The following SFI1 variants were observed in gnomAD, a reference collection of about 807,000 sequenced individuals.
The protein encoded by SFI1 is protein SFI1 homolog.
SFI1 carries 195 observed loss-of-function variants against 207.5 expected under a neutral mutation model. The ratio of observed to expected loss-of-function variants is 0.94; its 90% confidence interval spans 0.84 to 1.06. SFI1 has a LOEUF of 1.06. Ranked by LOEUF, SFI1 falls within the 50% of genes least tolerant of loss-of-function variation. The pLI, the probability that SFI1 is intolerant of heterozygous loss-of-function variation, is 0.00. For missense variants in SFI1, 1,634 were observed against 1,588.0 expected, an observed-to-expected ratio of 1.03 and a Z score of -0.49; for synonymous variants, 630 against 598.9, an observed-to-expected ratio of 1.05 and a Z score of -0.76.
At position 31,602,249 on chromosome 22, in the gene SFI1, C is replaced by T; in HGVS notation, c.1582C>T (p.Gln528Ter). 1 of 1,614,116 alleles carries T rather than the reference C, an allele frequency of 6.2e-7. No individual in the cohort carries two copies. ...LEKQVFSLWR[Q>*]KMFQHRENRL... Reference sequence around the variant, plus strand: ...GAAGCAAGTATTTTCTCTCTGGAGGCAGAAGATGTTTCAGCATCGAGAAAA... The same window carrying T: ...GAAGCAAGTATTTTCTCTCTGGAGGTAGAAGATGTTTCAGCATCGAGAAAA... The change falls in exon 16 of 33, where the codon CAG (glutamine) becomes TAG (stop). Residue 528 changes from glutamine to a stop codon, truncating the protein, a stop_gained. Coordinates refer to ENST00000400288, the MANE Select transcript of SFI1 (RefSeq NM_001007467.3). LOFTEE classifies it high-confidence loss of function.
chr22:31,496,862 C>A (rs2052734364), intron 1 of SFI1, among the ~76,000 whole-genome samples: 1 of 152,172 alleles, frequency 6.6e-6, no homozygotes, highest in African/African-American at 2.4e-5. Flanking sequence ...AGCCTGCCAT[C>A]CTCTCCCGCC....
chr22:31,541,930 G>A (rs1434224170), intron 4 of SFI1, among the ~76,000 whole-genome samples: 22 of 150,362 alleles, frequency 1.5e-4, no homozygotes, highest in Middle Eastern at 3.4e-3. Flanking sequence ...GTGAAACCCC[G>A]TCTCTACTAA....
chr22:31,537,967 T>TTTTG (rs143156888), intron 4 of SFI1, among the ~76,000 whole-genome samples: 5 of 152,168 alleles, frequency 3.3e-5, no homozygotes, highest in African/African-American at 7.2e-5. Flanking sequence ...TAGCTTTGTT[T>TTTTG]TTTGTTTGTT....
At chr22:31,550,428 C>G in intron 6 of SFI1, 80 bp downstream of exon 6, 1 of 1,083,042 alleles carries the variant, frequency 9.2e-7, no homozygotes, top group Non-Finnish European at 1.4e-6. Context: ...AACACATTGT[C>G]TCAGAGAGAG....
intron 2 of SFI1, among the ~76,000 whole-genome samples, chr22:31,517,722 G>T (rs2056722101): frequency 6.6e-6 from 1 of 151,924 alleles, no homozygotes; most frequent in African/African-American, 2.4e-5. Context: ...GCTCTATAGT[G>T]CCATTTTAAT....
chr22:31,531,171 C>A, intron 4 of SFI1, 42 bp downstream of exon 4: 1 of 1,508,690 alleles, frequency 6.6e-7, no homozygotes, highest in Non-Finnish European at 9.1e-7. Context: ...TGAGTTCATT[C>A]TAGGGTTTTC....
At chr22:31,506,099 C>A (rs939061348) in intron 1 of SFI1, among the ~76,000 whole-genome samples, 1 of 116,568 alleles carries the variant, frequency 8.6e-6, no homozygotes, top group Non-Finnish European at 1.8e-5. Context: ...GCCCAGGCTG[C>A]AGTGCAGTGG....
intron 2 of SFI1, among the ~76,000 whole-genome samples, chr22:31,523,280 G>A (rs939207315): frequency 9.2e-5 from 14 of 152,046 alleles, no homozygotes; most frequent in African/African-American, 3.4e-4. Flanking sequence ...TGTACAGATT[G>A]TCTTGTTAAG....
At chr22:31,607,798 GT>G (rs1437600390) in intron 21 of SFI1, 138 bp from the exon 22 acceptor site, 5 of 654,440 alleles carry the variant, frequency 7.6e-6, no homozygotes, top group Non-Finnish European at 1.3e-5. Context: ...GTGCAAGGCA[GT>G]TACTTCCTGG....
intron 27 of SFI1, chr22:31,614,383 A>G (rs2070977041): frequency 5.2e-6 from 2 of 381,670 alleles, no homozygotes; most frequent in Admixed American, 3.6e-5. Context: ...AACCAGCACT[A>G]CCCGAGAGCC....
intron 2 of SFI1, among the ~76,000 whole-genome samples, chr22:31,522,064 CTTTTTTTTTTTT>C (rs752422385): frequency 1.3e-5 from 1 of 76,362 alleles, no homozygotes; most frequent in Non-Finnish European, 2.4e-5. Context: ...TACACCTGGC[CTTTTTTTTTTTT>C]TTTTTTTTTG....
At chr22:31,599,328 G>A (rs1404756475) in intron 15 of SFI1, among the ~76,000 whole-genome samples, 2 of 76,912 alleles carry the variant, frequency 2.6e-5, no homozygotes, top group East Asian at 2.9e-4. Flanking sequence ...TTGTTGAAAA[G>A]CCTTTTTTTT....
chr22:31,579,641 G>A (rs1037364189), intron 11 of SFI1, among the ~76,000 whole-genome samples: 3 of 151,998 alleles, frequency 2.0e-5, no homozygotes, highest in Admixed American at 6.6e-5. Flanking sequence ...TTATACAGAC[G>A]GAGTCTCCTT....
chr22:31,530,422 G>A (rs1227258576), intron 3 of SFI1, among the ~76,000 whole-genome samples: 2 of 139,692 alleles, frequency 1.4e-5, no homozygotes, highest in East Asian at 2.1e-4. Flanking sequence ...CCCAGGAGGC[G>A]GAGCTTGCAG....
intron 4 of SFI1, among the ~76,000 whole-genome samples, chr22:31,545,588 T>TAA (rs1318278173): frequency 7.3e-5 from 11 of 151,266 alleles, no homozygotes; most frequent in African/African-American, 2.2e-4. Context: ...TAATTTAATT[T>TAA]TATTTTATTT....
At chr22:31,606,199 G>A in intron 20 of SFI1, 129 bp from the exon 21 acceptor site, 1 of 779,684 alleles carries the variant, frequency 1.3e-6, no homozygotes, top group South Asian at 1.6e-5. Context: ...AGGTGTTGGT[G>A]AAACAGACAT....
chr22:31,514,406 G>A (rs1210294621), intron 2 of SFI1, among the ~76,000 whole-genome samples: 2 of 150,724 alleles, frequency 1.3e-5, no homozygotes, highest in African/African-American at 2.4e-5. Context: ...TACTTGGGAG[G>A]CTGAGGCAGG....
Position 31,580,272 on chromosome 22 carries a change from T to G in SFI1, c.1156T>G (p.Tyr386Asp), listed in dbSNP as rs1316181052. 2 of 1,612,796 alleles carry G rather than the reference T, an allele frequency of 1.2e-6. No individual in the cohort carries two copies. The highest frequency in any genetic ancestry group is 1.7e-6 in the Non-Finnish European group (2 of 1,178,960). The change falls in exon 12 of 33, where the codon TAT becomes GAT. Residue 386 changes from tyrosine (Y) to aspartate (D), a missense_variant and splice_region_variant. By Grantham distance (160) the Tyr-to-Asp change is radical. Coordinates refer to ENST00000400288, the MANE Select transcript of SFI1 (RefSeq NM_001007467.3). Reference protein sequence around the residue: ...AEEHHRHSQLYFCFRALKDNV... With the variant: ...AEEHHRHSQLDFCFRALKDNV... ...TCAGTTGTGTCCTTTCTTTGCACAGTATTTTTGCTTTAGAGCCCTAAAAGA... is the reference window on the plus strand; with the variant it reads ...TCAGTTGTGTCCTTTCTTTGCACAGGATTTTTGCTTTAGAGCCCTAAAAGA...
At chr22:31,582,220 A>ATATATATATATAT (rs1569376833) in intron 12 of SFI1, among the ~76,000 whole-genome samples, 14 of 32,522 alleles carry the variant, frequency 4.3e-4, no homozygotes, top group African/African-American at 1.6e-3. Flanking sequence ...ATATATATAT[A>ATATATATATATAT]TATATATATA....
Sources: gnomAD v4.1 joint callset for allele counts (sites outside exome capture counted in the v4.1 genomes callset) on GRCh38, gnomAD v4.1.1 for gene constraint, MANE v1.5 for transcripts, NCBI Gene and HGNC (gene_info 2026-07-23, HGNC 2026-07-21) for gene names.